Variants in CD84 observed in about 807,000 individuals in gnomAD.
CD84 encodes the protein CD84 molecule.
CD84 carries 22 observed loss-of-function variants against 33.8 expected under a neutral mutation model. That is an observed-to-expected ratio of 0.65 (90% CI 0.46 to 0.93). CD84 has a LOEUF of 0.93. Among genes scored for constraint, CD84 ranks in the 40% least tolerant of loss-of-function variants. The pLI is 0.00. For synonymous variants in CD84, 154 were observed against 145.2 expected (o/e 1.06, Z -0.44); for missense variants, 400 against 397.6 (o/e 1.01, Z -0.05).
chr1:160,551,120 T>C, intron 4 of CD84, 85 bp from the exon 5 acceptor site: 1 of 1,014,420 alleles, frequency 9.9e-7, no homozygotes, highest in Admixed American at 1.9e-5. Context: ...CTTTTTAAGA[T>C]GAAGAAAGGA....
At position 160,545,043 on chromosome 1, in the gene CD84, G is replaced by A. The variant is rs1557963713; in HGVS notation, c.*3213C>T. 6.6e-6 allele frequency: 1 copy of A among 152,280 alleles called. No individual in the cohort carries two copies. The highest frequency in any genetic ancestry group is 1.9e-4 in the East Asian group (1 of 5,188). 9.4% of individuals were successfully genotyped at this position (152,280 alleles called of 1,614,324 possible). The stretch of plus-strand genomic sequence containing the variant: ...ATAAGATCACATGCATTTTACAGAA[G>A]GAAAATCTAAGAACTAAGACCTAGA... On this transcript the variant is annotated 3_prime_UTR_variant, in exon 7 of 7. Coordinates refer to ENST00000368054, the MANE Select transcript of CD84 (RefSeq NM_003874.4).
chr1:160,542,561 T>C lies in CD84; in HGVS notation c.*5695A>G, dbSNP rs576271920. The C allele has an allele frequency of 1.4e-3, 206 of 152,336 alleles. 1 individual carries two copies. The highest frequency in any genetic ancestry group is 4.5e-3 in the African/African-American group (187 of 41,586). 9.4% of individuals were successfully genotyped at this position (152,336 alleles called of 1,614,324 possible). ...TTCTCTGATGAATAATCTATGTAATTATTTGCCTACAATAAGAACTTATAA... is the reference window on the plus strand; with the variant it reads ...TTCTCTGATGAATAATCTATGTAATCATTTGCCTACAATAAGAACTTATAA... On this transcript the variant is annotated 3_prime_UTR_variant, in exon 7 of 7. Coordinates refer to ENST00000368054, the MANE Select transcript of CD84 (RefSeq NM_003874.4).
At position 160,553,426 on chromosome 1, in the gene CD84, G is replaced by A. The variant is rs745994434; in HGVS notation, c.712C>T (p.Leu238Phe). ...SVLAMFFLLV[L>F]ILSSVFLFRL... ...AACAAAAACACTGAAGACAGAATGA[G>A]AACAAGCAGAAAGAACATAGCCAGC... Residue 238 changes from leucine (L) to phenylalanine (F), a missense_variant, in exon 4 of 7, where the codon CTC becomes TTC. Transcript: ENST00000368054. The A allele has an allele frequency of 1.2e-6, 2 of 1,614,126 alleles. No individual in the cohort carries two copies. The highest frequency in any genetic ancestry group is 1.1e-5 in the South Asian group (1 of 91,080).
In CD84 at chr1:160,542,506, G is replaced by A. The variant is rs1187360903; in HGVS notation, c.*5750C>T. On this transcript the variant is annotated 3_prime_UTR_variant, in exon 7 of 7. Transcript: ENST00000368054. ...ACTATTGGAAATACAAGTTGTAAAT[G>A]AAAGAGTTGAGATTATGAGCATTTA... 1 of 152,314 alleles carries A rather than the reference G, an allele frequency of 6.6e-6. No individual in the cohort carries two copies. Among genetic ancestry groups the A allele is most frequent in the South Asian group, 2.1e-4 (1 of 4,828 alleles). 9.4% of individuals were successfully genotyped at this position (152,314 alleles called of 1,614,324 possible).
At chr1:160,548,948 G>A (rs1029335924) in intron 6 of CD84, among the ~76,000 whole-genome samples, 3 of 151,994 alleles carry the variant, frequency 2.0e-5, no homozygotes, top group African/African-American at 7.3e-5. Context: ...TTGAGATCCT[G>A]GCACAAATAT....
At chr1:160,549,161 A>G (rs1656017386) in intron 6 of CD84, among the ~76,000 whole-genome samples, 1 of 152,160 alleles carries the variant, frequency 6.6e-6, no homozygotes, top group Non-Finnish European at 1.5e-5. Context: ...AAAAGGAAGT[A>G]GCACTGCCCT....
chr1:160,553,112 C>A, intron 4 of CD84: 2 of 602,714 alleles, frequency 3.3e-6, no homozygotes. Context: ...TACAGTGAAG[C>A]ACAGCTTGTT....
At chr1:160,550,529 G>T (rs77900769) in intron 5 of CD84, 3 of 720,908 alleles carry the variant, frequency 4.2e-6, no homozygotes, top group Non-Finnish European at 5.1e-6. Context: ...GGCATTCAAG[G>T]GAACTTGTCT....
At position 160,565,761 on chromosome 1, in the gene CD84, G is replaced by C; in HGVS notation, c.47-16C>G. On this transcript the variant is annotated splice_polypyrimidine_tract_variant and intron_variant, in intron 1 of 6. Transcript: ENST00000368054. ...GCTTCCGGCCCTGAGAACATAAAAA[G>C]AAAACTGTAGCCATCTGACTGTTGC... 6.4e-7 allele frequency: 1 copy of C among 1,550,822 alleles called. No homozygotes were observed. The highest frequency in any genetic ancestry group is 8.7e-7 in the Non-Finnish European group (1 of 1,151,080).
At chr1:160,566,908 A>G (rs899314505) in intron 1 of CD84, among the ~76,000 whole-genome samples, 10 of 152,332 alleles carry the variant, frequency 6.6e-5, no homozygotes, top group African/African-American at 2.4e-4. Context: ...AGTTTGTAAA[A>G]TGAGAGACAA....
At position 160,547,237 on chromosome 1, in the gene CD84, A is replaced by G. The variant is rs888376462; in HGVS notation, c.*1019T>C. 2 of 398,552 alleles carry G rather than the reference A, an allele frequency of 5.0e-6. No homozygotes were observed. Among genetic ancestry groups the G allele is most frequent in the Admixed American group, 8.8e-5 (2 of 22,726 alleles). The allele number at this position is 398,552 out of a possible 1,614,324, so 24.7% of individuals were successfully genotyped here. ...TTCATCATCTGCACCATCATCTCCC[A>G]AGTTCCTTCTGGAGAATGACTCTGC... On this transcript the variant is annotated 3_prime_UTR_variant, in exon 7 of 7. Coordinates refer to ENST00000368054, the MANE Select transcript of CD84 (RefSeq NM_003874.4).
chr1:160,577,525 T>C (rs962585700), intron 1 of CD84, among the ~76,000 whole-genome samples: 5 of 152,102 alleles, frequency 3.3e-5, no homozygotes, highest in African/African-American at 1.2e-4. Context: ...TCACTCCTAG[T>C]TTCCTTTTCC....
At chr1:160,575,434 G>T (rs1331636885) in intron 1 of CD84, among the ~76,000 whole-genome samples, 1 of 150,746 alleles carries the variant, frequency 6.6e-6, no homozygotes, top group Non-Finnish European at 1.5e-5. Context: ...TTTTCCCCTG[G>T]GAGTTTTACT....
chr1:160,550,769 T>C, intron 5 of CD84, 169 bp downstream of exon 5: 3 of 985,376 alleles, frequency 3.0e-6, no homozygotes, highest in Non-Finnish European at 3.6e-6. Context: ...CCTGTCCTCA[T>C]AGAAAGATCC....
chr1:160,579,113 A>T (rs1658145582), intron 1 of CD84, among the ~76,000 whole-genome samples: 1 of 152,176 alleles, frequency 6.6e-6, no homozygotes, highest in Non-Finnish European at 1.5e-5. Context: ...CCAAGTGCTG[A>T]TTCCTCTGAG....
At chr1:160,569,433 C>T (rs932428854) in intron 1 of CD84, among the ~76,000 whole-genome samples, 3 of 151,932 alleles carry the variant, frequency 2.0e-5, no homozygotes, top group African/African-American at 7.3e-5. Flanking sequence ...GAGGACTTAC[C>T]ATGAAATGCA....
intron 1 of CD84, among the ~76,000 whole-genome samples, chr1:160,567,247 C>A (rs1657386912): frequency 6.6e-6 from 1 of 152,156 alleles, no homozygotes; most frequent in Non-Finnish European, 1.5e-5. Flanking sequence ...GTATACACGT[C>A]CCTTGAAAGT....
Position 160,543,611 on chromosome 1 carries a change from A to ATTATTATTC in CD84, c.*4644_*4645insGAATAATAA, listed in dbSNP as rs1187810070. 7 of 146,206 alleles carry ATTATTATTC rather than the reference A, an allele frequency of 4.8e-5. No homozygotes were observed. Among genetic ancestry groups the ATTATTATTC allele is most frequent in the African/African-American group, 1.3e-4 (5 of 39,752 alleles). The allele number at this position is 146,206 out of a possible 1,614,324, so 9.1% of individuals were successfully genotyped here. ...GAGCTCTCCATTATTATTTATTATT[A>ATTATTATTC]TTATTATTATTATTATTATTTAGGT... On this transcript the variant is annotated 3_prime_UTR_variant, in exon 7 of 7. Transcript: ENST00000368054.
chr1:160,560,205 C>T (rs141805358), intron 2 of CD84, among the ~76,000 whole-genome samples: 209 of 152,184 alleles, frequency 1.4e-3, no homozygotes, highest in African/African-American at 4.7e-3. Flanking sequence ...TTCTCAACAC[C>T]GTATGCACTT....
Sources: gnomAD v4.1 joint callset for allele counts (sites outside exome capture counted in the v4.1 genomes callset) on GRCh38, gnomAD v4.1.1 for gene constraint, MANE v1.5 for transcripts, NCBI Gene and HGNC (gene_info 2026-07-23, HGNC 2026-07-21) for gene names.